ZNF148: variants seen among roughly 807,000 people sequenced by gnomAD.
The protein encoded by ZNF148 is Beta-Enolase Repressor Factor-1.
Under a neutral mutation model 67.7 loss-of-function variants are expected in ZNF148, and 7 were observed. That is an observed-to-expected ratio of 0.10 (90% CI 0.06 to 0.19). The LOEUF is 0.19. ZNF148 is among the 10% of genes least tolerant of loss of function. ZNF148 has a pLI of 1.00. For missense variants in ZNF148, 583 were observed against 947.1 expected (o/e 0.62, Z 5.05); for synonymous variants, 333 against 330.7 (o/e 1.01, Z -0.08).
Position 125,323,850 on chromosome 3 carries a change from C to T in ZNF148, c.-152-406G>A, listed in dbSNP as rs1014147568. 3.9e-5 allele frequency among the ~76,000 whole-genome samples: 6 copies of T among 152,014 alleles called. No homozygotes were observed. In the East Asian group the frequency reaches 1.2e-3, roughly 29 times the overall value. On this transcript the variant is annotated intron_variant, in intron 2 of 8. Coordinates refer to ENST00000360647, the MANE Select transcript of ZNF148 (RefSeq NM_021964.3). ...CAGCCGGCGCCTGTAATCCCAGCTACTCGGAGGCTGAGGCAGGAGAATGGC... is the reference window on the plus strand; with the variant it reads ...CAGCCGGCGCCTGTAATCCCAGCTATTCGGAGGCTGAGGCAGGAGAATGGC...
chr3:125,291,425 T>C (rs1470895805), intron 4 of ZNF148, among the ~76,000 whole-genome samples: 1 of 152,160 alleles, frequency 6.6e-6, no homozygotes, highest in Non-Finnish European at 1.5e-5. Flanking sequence ...CAGAAGGATA[T>C]GACCTTACCA....
chr3:125,325,918 G>A (rs1374463048), intron 2 of ZNF148, among the ~76,000 whole-genome samples: 1 of 152,176 alleles, frequency 6.6e-6, no homozygotes, highest in African/African-American at 2.4e-5. Flanking sequence ...AATCTTGAAA[G>A]CAGGAAGAGA....
Position 125,331,333 on chromosome 3 carries a change from C to T in ZNF148, c.-233-95G>A, listed in dbSNP as rs937697919. 10 of 396,252 alleles carry T rather than the reference C, an allele frequency of 2.5e-5. No individual in the cohort carries two copies. The South Asian group carries it at 5.3e-4, about 21-fold the overall frequency. The allele number at this position is 396,252 out of a possible 1,614,324, so 24.5% of individuals were successfully genotyped here. ...GGTAAAACTGTTACATTTAAGTGTC[C>T]TAAGTCTACCAAAATTCTTTCCATG... On this transcript the variant is annotated intron_variant, in intron 1 of 8. Transcript: ENST00000360647.
intron 5 of ZNF148, among the ~76,000 whole-genome samples, chr3:125,282,898 T>A (rs552482743): frequency 5.3e-5 from 8 of 152,194 alleles, no homozygotes; most frequent in African/African-American, 1.9e-4. Context: ...AAGGCAGACA[T>A]GATTTTTCAC....
chr3:125,246,533 C>T (rs1936606583), intron 7 of ZNF148, among the ~76,000 whole-genome samples: 2 of 151,748 alleles, frequency 1.3e-5, no homozygotes, highest in South Asian at 4.1e-4. Flanking sequence ...TAGAATATAC[C>T]TCAGAGCCAA....
At chr3:125,329,658 A>G (rs988112114) in intron 2 of ZNF148, among the ~76,000 whole-genome samples, 3 of 151,888 alleles carry the variant, frequency 2.0e-5, no homozygotes, top group African/African-American at 7.2e-5. Flanking sequence ...GCGCCTAGCC[A>G]GATATATTTT....
At chr3:125,313,775 G>T in intron 3 of ZNF148, 119 bp from the exon 4 acceptor site, 1 of 786,718 alleles carries the variant, frequency 1.3e-6, no homozygotes, top group Non-Finnish European at 1.9e-6. Flanking sequence ...GATGTACTTT[G>T]GAACTGCCTC....
intron 7 of ZNF148, among the ~76,000 whole-genome samples, chr3:125,235,956 G>C (rs1936068211): frequency 1.8e-5 from 2 of 112,908 alleles, no homozygotes; most frequent in African/African-American, 6.9e-5. Flanking sequence ...GTTGTGGGGT[G>C]GGGGGAGGGG....
At position 125,311,946 on chromosome 3, in the gene ZNF148, A is replaced by T. The variant is rs116758987; in HGVS notation, c.333+1362T>A. ...TATATTTATAGGAGAAATCAAATCAACAATAACTTTCCAAAACAGAAAGCA... is the reference window on the plus strand; with the variant it reads ...TATATTTATAGGAGAAATCAAATCATCAATAACTTTCCAAAACAGAAAGCA... On this transcript the variant is annotated intron_variant, in intron 4 of 8. Coordinates refer to ENST00000360647, the MANE Select transcript of ZNF148 (RefSeq NM_021964.3). Among the ~76,000 whole-genome samples the T allele has an allele frequency of 8.3e-3, 1,258 of 152,310 alleles. 13 individuals carry two copies. The highest frequency in any genetic ancestry group is 0.013 in the Non-Finnish European group (901 of 68,012).
intron 7 of ZNF148, among the ~76,000 whole-genome samples, chr3:125,264,183 C>T (rs761939072): frequency 6.6e-5 from 10 of 152,224 alleles, no homozygotes; most frequent in Non-Finnish European, 1.2e-4. Flanking sequence ...AAGTAAAGCA[C>T]TTTCCTGGGT....
chr3:125,258,122 T>TA (rs397813597), intron 7 of ZNF148, among the ~76,000 whole-genome samples: 1 of 151,610 alleles, frequency 6.6e-6, no homozygotes, highest in African/African-American at 2.4e-5. Context: ...GCATTTTTTT[T>TA]AAAGAGATAG....
chr3:125,284,386 T>C (rs886449444), intron 5 of ZNF148, among the ~76,000 whole-genome samples: 3 of 152,064 alleles, frequency 2.0e-5, no homozygotes, highest in Non-Finnish European at 4.4e-5. Context: ...CAAAGGAAAG[T>C]GATGTTAAGT....
intron 7 of ZNF148, among the ~76,000 whole-genome samples, chr3:125,269,432 G>A (rs1937620011): frequency 7.0e-6 from 1 of 143,672 alleles, no homozygotes; most frequent in Non-Finnish European, 1.5e-5. Context: ...CCTAAGAAGG[G>A]CTATTATTAA....
intron 7 of ZNF148, among the ~76,000 whole-genome samples, chr3:125,262,265 T>G (rs952110867): frequency 6.6e-6 from 1 of 152,250 alleles, no homozygotes. Context: ...CCTTTTATCA[T>G]GTATTACACT....
intron 7 of ZNF148, among the ~76,000 whole-genome samples, chr3:125,235,222 G>C (rs1375535745): frequency 1.3e-5 from 2 of 152,138 alleles, no homozygotes; most frequent in Non-Finnish European, 2.9e-5. Context: ...CCTTGTTGTA[G>C]GAGGTTAAAA....
At chr3:125,269,777 A>G (rs576450230) in intron 7 of ZNF148, among the ~76,000 whole-genome samples, 10 of 152,372 alleles carry the variant, frequency 6.6e-5, no homozygotes, top group African/African-American at 2.4e-4. Context: ...CACAGCCACA[A>G]AAAGAGCAAA....
intron 3 of ZNF148, among the ~76,000 whole-genome samples, chr3:125,316,597 A>G (rs1940505775): frequency 6.6e-6 from 1 of 152,216 alleles, no homozygotes; most frequent in Admixed American, 6.5e-5. Flanking sequence ...CTGATGATCA[A>G]CAATGTTGAG....
At chr3:125,300,792 C>T (rs1053870643) in intron 4 of ZNF148, among the ~76,000 whole-genome samples, 3 of 59,814 alleles carry the variant, frequency 5.0e-5, no homozygotes, top group Admixed American at 2.6e-4. Context: ...ATGAATGCAG[C>T]ATACATCACT....
intron 2 of ZNF148, among the ~76,000 whole-genome samples, chr3:125,324,905 G>A (rs2107697526): frequency 6.6e-6 from 1 of 152,082 alleles, no homozygotes; most frequent in African/African-American, 2.4e-5. Flanking sequence ...GGATATTCAT[G>A]TATATCTCTT....
Sources: allele counts gnomAD v4.1 joint callset (sites outside exome capture counted in the v4.1 genomes callset), GRCh38; gene constraint gnomAD v4.1.1; transcripts MANE v1.5; gene names NCBI Gene and HGNC (gene_info 2026-07-23, HGNC 2026-07-21).